The following ADGRB3 variants were observed in gnomAD, a reference collection of about 807,000 sequenced individuals.
ADGRB3 encodes adhesion G protein-coupled receptor B3.
ADGRB3 carries 37 observed loss-of-function variants against 193.4 expected under a neutral mutation model. The observed-to-expected ratio is 0.19, with a 90% CI of 0.15 to 0.25. The LOEUF (loss-of-function observed/expected upper bound fraction) is 0.25. Ranked by LOEUF, ADGRB3 falls within the 10% of genes least tolerant of loss-of-function variation. The pLI is 1.00. For synonymous variants in ADGRB3, 690 were observed against 644.2 expected (o/e 1.07, Z -1.08); for missense variants, 1,637 against 1,852.9 (o/e 0.88, Z 2.14).
At chr6:68,771,464 T>C (rs1056499565) in intron 3 of ADGRB3, among the ~76,000 whole-genome samples, 3 of 152,006 alleles carry the variant, frequency 2.0e-5, no homozygotes, top group African/African-American at 7.2e-5. Flanking sequence ...AATTACCTTC[T>C]AATTGAAGAG....
In ADGRB3 at chr6:69,156,565, A is replaced by T. The variant is rs562445913; in HGVS notation, c.2481-76725A>T. ...AGATCACATGGGGTCTTTAGGCCAT[A>T]GTAAGGAGTAGGGATATGTTCAGAA... On this transcript the variant is annotated intron_variant, in intron 17 of 31. Transcript: ENST00000370598. Among the ~76,000 whole-genome samples the T allele has an allele frequency of 1.2e-4, 19 of 152,324 alleles. No homozygotes were observed. The South Asian group carries it at 3.1e-3, about 25-fold the overall frequency.
At chr6:68,781,335 C>A (rs1766848531) in intron 3 of ADGRB3, among the ~76,000 whole-genome samples, 1 of 152,110 alleles carries the variant, frequency 6.6e-6, no homozygotes, top group African/African-American at 2.4e-5. Context: ...ACCTTGTTAT[C>A]TTTTAGCACA....
chr6:68,888,160 A>C (rs546105511), intron 3 of ADGRB3, among the ~76,000 whole-genome samples: 1 of 152,180 alleles, frequency 6.6e-6, no homozygotes, highest in African/African-American at 2.4e-5. Context: ...AGTGGAGCTC[A>C]TGGAACAATC....
chr6:68,921,159 T>A (rs1767033201), intron 3 of ADGRB3, among the ~76,000 whole-genome samples: 2 of 152,166 alleles, frequency 1.3e-5, no homozygotes, highest in Non-Finnish European at 2.9e-5. Flanking sequence ...AAGAGAAATG[T>A]TCAACATCGT....
intron 17 of ADGRB3, among the ~76,000 whole-genome samples, chr6:69,104,434 T>C (rs946805913): frequency 1.4e-4 from 21 of 151,780 alleles, no homozygotes; most frequent in South Asian, 2.1e-4. Context: ...TCCAGTCTAT[T>C]ATTGTTGGAC....
At chr6:68,951,429 G>A (rs544003296) in intron 6 of ADGRB3, among the ~76,000 whole-genome samples, 6 of 152,042 alleles carry the variant, frequency 3.9e-5, no homozygotes, top group South Asian at 4.2e-4. Context: ...CTAGTGAAAC[G>A]CTCTGGTTTA....
chr6:69,109,660 T>C (rs1477954435), intron 17 of ADGRB3, among the ~76,000 whole-genome samples: 1 of 151,106 alleles, frequency 6.6e-6, no homozygotes, highest in Non-Finnish European at 1.5e-5. Flanking sequence ...CCTCCAAGAT[T>C]GTCTGATGGC....
At chr6:68,695,204 A>T (rs1480306770) in intron 3 of ADGRB3, among the ~76,000 whole-genome samples, 2 of 152,012 alleles carry the variant, frequency 1.3e-5, no homozygotes, top group African/African-American at 4.8e-5. Context: ...GAGAAATGAC[A>T]AAGGGGAGCA....
chr6:69,074,781 G>A (rs541405395), intron 16 of ADGRB3, among the ~76,000 whole-genome samples: 5 of 152,070 alleles, frequency 3.3e-5, no homozygotes, highest in East Asian at 3.9e-4. Flanking sequence ...TCCTGACCTC[G>A]TGATCTGCCC....
chr6:68,773,682 A>C (rs1441320550), intron 3 of ADGRB3, among the ~76,000 whole-genome samples: 1 of 152,186 alleles, frequency 6.6e-6, no homozygotes, highest in East Asian at 1.9e-4. Context: ...TGGAAAGTAC[A>C]TTGTGCTATG....
chr6:69,123,047 T>C (rs1186260562), intron 17 of ADGRB3, among the ~76,000 whole-genome samples: 1 of 150,238 alleles, frequency 6.7e-6, no homozygotes, highest in Non-Finnish European at 1.5e-5. Context: ...GCCAGCTTGG[T>C]TCGGCCATAT....
At chr6:69,241,994 A>C (rs1766393963) in intron 20 of ADGRB3, among the ~76,000 whole-genome samples, 1 of 151,914 alleles carries the variant, frequency 6.6e-6, no homozygotes, top group South Asian at 2.1e-4. Flanking sequence ...GAAAAATACA[A>C]AACACTGGAA....
chr6:68,971,569 A>T (rs951963009), intron 8 of ADGRB3, among the ~76,000 whole-genome samples: 3 of 152,194 alleles, frequency 2.0e-5, no homozygotes, highest in African/African-American at 7.2e-5. Context: ...GGTTTCAAAT[A>T]CTATACCATT....
intron 20 of ADGRB3, among the ~76,000 whole-genome samples, chr6:69,250,409 T>C (rs1049257679): frequency 1.3e-5 from 2 of 152,218 alleles, no homozygotes; most frequent in Admixed American, 1.3e-4. Flanking sequence ...AGAATAAAGC[T>C]AAAAGGTGAA....
At position 69,388,915 on chromosome 6, in the gene ADGRB3, G is replaced by A. The variant is rs538970560; in HGVS notation, c.*24G>A. ...AAAAAAATCAAAATGGACTAAGGTA[G>A]AGACAAAACTTTATTGCACTGACAC... On this transcript the variant is annotated 3_prime_UTR_variant, in exon 32 of 32. Coordinates refer to ENST00000370598, the MANE Select transcript of ADGRB3 (RefSeq NM_001704.3). 1 of 1,598,584 alleles carries A rather than the reference G, an allele frequency of 6.3e-7. No individual in the cohort carries two copies. Among genetic ancestry groups the A allele is most frequent in the South Asian group, 1.1e-5 (1 of 88,564 alleles).
At chr6:69,370,565 G>C (rs990539257) in intron 29 of ADGRB3, among the ~76,000 whole-genome samples, 3 of 152,052 alleles carry the variant, frequency 2.0e-5, no homozygotes, top group Non-Finnish European at 4.4e-5. Flanking sequence ...CTACTTGTAT[G>C]AGTGTATCCA....
intron 3 of ADGRB3, among the ~76,000 whole-genome samples, chr6:68,828,089 T>C (rs1021232582): frequency 6.6e-6 from 1 of 152,182 alleles, no homozygotes; most frequent in Admixed American, 6.5e-5. Context: ...TACGTGACAT[T>C]CATTGTTTTA....
chr6:68,826,510 T>A (rs1349159935), intron 3 of ADGRB3, among the ~76,000 whole-genome samples: 1 of 152,090 alleles, frequency 6.6e-6, no homozygotes, highest in African/African-American at 2.4e-5. Flanking sequence ...TGGAAGAAAT[T>A]TGGCTTTTAC....
At chr6:69,060,990 A>G (rs1390778192) in intron 15 of ADGRB3, among the ~76,000 whole-genome samples, 1 of 152,008 alleles carries the variant, frequency 6.6e-6, no homozygotes, top group African/African-American at 2.4e-5. Context: ...ATAATTTGGC[A>G]AAAGAAGCTT....
Sources: gnomAD v4.1 joint callset for allele counts (sites outside exome capture counted in the v4.1 genomes callset) on GRCh38, gnomAD v4.1.1 for gene constraint, MANE v1.5 for transcripts, NCBI Gene and HGNC (gene_info 2026-07-23, HGNC 2026-07-21) for gene names.